Variants in CCDC158 observed in about 807,000 individuals in gnomAD.
CCDC158 encodes coiled-coil domain containing 158.
Under a neutral mutation model 138.6 loss-of-function variants are expected in CCDC158, and 116 were observed. The observed-to-expected ratio is 0.84, with a 90% confidence interval of 0.72 to 0.98. CCDC158 has a LOEUF of 0.98. CCDC158 is among the 50% of genes least tolerant of loss of function. CCDC158 has a pLI of 0.00. For synonymous variants in CCDC158, 436 were observed against 442.4 expected, an observed-to-expected ratio of 0.99 and a Z score of 0.18; for missense variants, 1,265 against 1,306.1, an observed-to-expected ratio of 0.97 and a Z score of 0.48.
chr4:76,322,999 C>T (rs552334340), intron 24 of CCDC158, among the ~76,000 whole-genome samples: 4 of 152,120 alleles, frequency 2.6e-5, no homozygotes, highest in Non-Finnish European at 5.9e-5. Context: ...ACAAGAAAGA[C>T]GGTGTGTGGG....
intron 15 of CCDC158, among the ~76,000 whole-genome samples, chr4:76,353,832 C>A (rs1193696136): frequency 6.6e-6 from 1 of 152,110 alleles, no homozygotes; most frequent in Non-Finnish European, 1.5e-5. Context: ...AACAACATTT[C>A]ATTAAAATTA....
chr4:76,399,461 A>AAAATT (rs1264927193), intron 3 of CCDC158, among the ~76,000 whole-genome samples: 1 of 152,182 alleles, frequency 6.6e-6, no homozygotes, highest in Admixed American at 6.5e-5. Context: ...CCCAGAACTT[A>AAAATT]AAATTAAATT....
intron 2 of CCDC158, among the ~76,000 whole-genome samples, chr4:76,405,353 C>T (rs545886509): frequency 4.1e-4 from 62 of 152,290 alleles, no homozygotes; most frequent in Admixed American, 5.2e-4. Context: ...GGACACTGTG[C>T]CGTGTGCCTC....
intron 9 of CCDC158, among the ~76,000 whole-genome samples, chr4:76,377,317 GT>G (rs1419927228): frequency 1.3e-5 from 2 of 152,188 alleles, no homozygotes; most frequent in African/African-American, 4.8e-5. Flanking sequence ...TTTTCAAAAA[GT>G]TTGTCAATAG....
At chr4:76,413,319 T>G (rs549056889) in intron 1 of CCDC158, among the ~76,000 whole-genome samples, 1 of 151,352 alleles carries the variant, frequency 6.6e-6, no homozygotes, top group South Asian at 2.1e-4. Flanking sequence ...ACAAAAAATT[T>G]TAAAAATTAG....
intron 18 of CCDC158, among the ~76,000 whole-genome samples, chr4:76,335,048 G>A (rs1449687681): frequency 1.3e-5 from 2 of 152,188 alleles, no homozygotes; most frequent in Admixed American, 1.3e-4. Flanking sequence ...CTCACTGAAT[G>A]TGTGCTAAGT....
At chr4:76,408,611 A>G (rs1025338466) in intron 2 of CCDC158, among the ~76,000 whole-genome samples, 3 of 152,182 alleles carry the variant, frequency 2.0e-5, no homozygotes, top group African/African-American at 7.2e-5. Flanking sequence ...GTTGGTTCCA[A>G]GTCTTTGCTA....
At chr4:76,381,099 T>C (rs1251500810) in intron 8 of CCDC158, among the ~76,000 whole-genome samples, 1 of 152,224 alleles carries the variant, frequency 6.6e-6, no homozygotes, top group Non-Finnish European at 1.5e-5. Context: ...AGAGCCCTCA[T>C]GGGGAACCTC....
intron 22 of CCDC158, among the ~76,000 whole-genome samples, chr4:76,328,437 G>T (rs186078213): frequency 6.6e-6 from 1 of 152,150 alleles, no homozygotes; most frequent in East Asian, 1.9e-4. Context: ...TGGGAAAATC[G>T]TGATTTTTAT....
At chr4:76,390,350 C>A (rs1727203480) in intron 4 of CCDC158, among the ~76,000 whole-genome samples, 1 of 151,678 alleles carries the variant, frequency 6.6e-6, no homozygotes, top group Non-Finnish European at 1.5e-5. Flanking sequence ...CTCATGGTAA[C>A]CTCAAAGGTA....
chr4:76,376,530 A>G lies in CCDC158; in HGVS notation c.1029+2760T>C, dbSNP rs141738958. Among the ~76,000 whole-genome samples, 240 of 152,196 alleles carry G rather than the reference A, an allele frequency of 1.6e-3. 2 individuals are homozygous for G. The highest frequency in any genetic ancestry group is 5.5e-3 in the African/African-American group (227 of 41,404). ...ATGCCAAGTCATATGAAAATGAAAAATAAAGCAGAATAATTTGTGTTTTTA... is the reference window on the plus strand; with the variant it reads ...ATGCCAAGTCATATGAAAATGAAAAGTAAAGCAGAATAATTTGTGTTTTTA... On this transcript the variant is annotated intron_variant, in intron 9 of 24. Coordinates refer to ENST00000682701, the MANE Select transcript of CCDC158 (RefSeq NM_001394954.1).
upstream of CCDC158, among the ~76,000 whole-genome samples, chr4:76,421,350 TC>T (rs1183261489): frequency 3.3e-5 from 5 of 151,688 alleles, no homozygotes; most frequent in Non-Finnish European, 5.9e-5. Context: ...AGCGTCGAAG[TC>T]CCCACCACCG....
At chr4:76,380,484 G>C (rs10776488) in intron 8 of CCDC158, among the ~76,000 whole-genome samples, 49,916 of 152,178 alleles carry the variant, frequency 0.33, 9,629 homozygotes, top group Non-Finnish European at 0.44. Context: ...TCAGGGTGTC[G>C]GGCAGAAGAA....
chr4:76,419,400 A>C (rs1013297413), intron 1 of CCDC158, among the ~76,000 whole-genome samples: 7 of 152,224 alleles, frequency 4.6e-5, no homozygotes, highest in Admixed American at 1.3e-4. Flanking sequence ...TACAGTTTCC[A>C]TAACAAATTA....
At chr4:76,321,946 G>A (rs965984238) in intron 24 of CCDC158, among the ~76,000 whole-genome samples, 6 of 151,642 alleles carry the variant, frequency 4.0e-5, no homozygotes, top group African/African-American at 1.2e-4. Flanking sequence ...ATATGTGGGA[G>A]CTAAGCTATG....
intron 9 of CCDC158, among the ~76,000 whole-genome samples, chr4:76,373,859 A>T (rs1725474084): frequency 6.6e-6 from 1 of 152,232 alleles, no homozygotes; most frequent in Admixed American, 6.5e-5. Flanking sequence ...ATATTAGATC[A>T]CTGTCTAAAA....
At chr4:76,338,465 T>TC (rs1721750762) in intron 18 of CCDC158, among the ~76,000 whole-genome samples, 1 of 152,102 alleles carries the variant, frequency 6.6e-6, no homozygotes, top group South Asian at 2.1e-4. Context: ...TGGGCCAAGA[T>TC]CGTGCCACTG....
Position 76,384,581 on chromosome 4 carries a change from C to T in CCDC158, c.373G>A (p.Glu125Lys), listed in dbSNP as rs1203214715. 3 of 1,613,044 alleles carry T rather than the reference C, an allele frequency of 1.9e-6. No individual in the cohort carries two copies. The Admixed American group carries it at 5.0e-5, about 27-fold the overall frequency. ...LQTKLQEMQM[E>K]RDAMADIRRR... is the part of the protein sequence containing the mutation. ...CTGATGTCAGCCATAGCATCTCTCT[C>T]CATTTGCATCTCCTGAAGTTTTGTT... The change falls in exon 5 of 25, where the codon GAG (glutamate) becomes AAG (lysine). Residue 125 changes from glutamate to lysine, a missense_variant. Physicochemically the swap from Glu to Lys is moderately conservative, Grantham distance 56. Transcript: ENST00000682701.
At chr4:76,369,658 C>G in intron 10 of CCDC158, 35 bp from the exon 11 acceptor site, 1 of 1,548,970 alleles carries the variant, frequency 6.5e-7, no homozygotes, top group Non-Finnish European at 8.9e-7. Context: ...TTCCTCCCTG[C>G]TATTAAATAA....
Sources: allele counts gnomAD v4.1 joint callset (sites outside exome capture counted in the v4.1 genomes callset), GRCh38; gene constraint gnomAD v4.1.1; transcripts MANE v1.5; gene names NCBI Gene and HGNC (gene_info 2026-07-23, HGNC 2026-07-21).